Variants in SLC39A11 observed in about 807,000 individuals in gnomAD.
SLC39A11 encodes zinc transporter ZIP11.
A neutral mutation model predicts 36.1 loss-of-function variants in SLC39A11; 33 were observed. That is an observed-to-expected ratio of 0.91 (90% CI 0.69 to 1.22). The LOEUF (loss-of-function observed/expected upper bound fraction) is 1.22. Ranked by LOEUF, SLC39A11 falls within the 50% of genes most tolerant of loss-of-function variation. SLC39A11 has a pLI of 0.00. For synonymous variants in SLC39A11, 166 were observed against 170.3 expected (o/e 0.97, Z 0.20); for missense variants, 432 against 430.3 (o/e 1.00, Z -0.03).
Position 72,903,425 on chromosome 17 carries a change from C to T in SLC39A11, c.430+44327G>A, listed in dbSNP as rs986123750. On this transcript the variant is annotated intron_variant, in intron 5 of 9. Transcript: ENST00000255559. The stretch of plus-strand genomic sequence containing the variant: ...GAGGCACAACTCCATCTATAATACT[C>T]GCTAGTTCCTAAGACCCCGATTCAG... 2.6e-5 allele frequency among the ~76,000 whole-genome samples: 4 copies of T among 152,294 alleles called. No individual in the cohort carries two copies. The South Asian group carries it at 6.2e-4, about 24-fold the overall frequency.
chr17:73,063,899 G>A (rs969410239), intron 3 of SLC39A11, among the ~76,000 whole-genome samples: 1 of 152,144 alleles, frequency 6.6e-6, no homozygotes, highest in Non-Finnish European at 1.5e-5. Flanking sequence ...ATGACCGTGT[G>A]TCCCTTCCTC....
intron 3 of SLC39A11, among the ~76,000 whole-genome samples, chr17:73,035,951 G>A (rs2058899606): frequency 6.7e-6 from 1 of 150,340 alleles, no homozygotes; most frequent in Non-Finnish European, 1.5e-5. Flanking sequence ...GAAAGAGATT[G>A]AAAGATGCCA....
chr17:72,791,724 C>T (rs992878592), intron 6 of SLC39A11, among the ~76,000 whole-genome samples: 2 of 152,078 alleles, frequency 1.3e-5, no homozygotes, highest in Non-Finnish European at 2.9e-5. Context: ...GGAGACAGTC[C>T]CCCCATGCTG....
intron 6 of SLC39A11, among the ~76,000 whole-genome samples, chr17:72,741,009 G>A (rs2074671959): frequency 6.6e-6 from 1 of 151,914 alleles, no homozygotes; most frequent in Admixed American, 6.6e-5. Context: ...CCTGACCTCA[G>A]GTGATCTGTC....
intron 5 of SLC39A11, among the ~76,000 whole-genome samples, chr17:72,889,421 A>G (rs2146690927): frequency 6.6e-6 from 1 of 152,154 alleles, no homozygotes; most frequent in South Asian, 2.1e-4. Flanking sequence ...AAGCTGAGGT[A>G]GGAGAATTGC....
Position 72,728,444 on chromosome 17 carries a change from A to AGAAAGG in SLC39A11, c.671+8200_671+8205dup, listed in dbSNP as rs570694288. Among the ~76,000 whole-genome samples, 1,162 of 151,762 alleles carry AGAAAGG rather than the reference A, an allele frequency of 7.7e-3. 17 individuals carry two copies. Among genetic ancestry groups the AGAAAGG allele is most frequent in the African/African-American group, 0.026 (1,098 of 41,492 alleles). On this transcript the variant is annotated intron_variant, in intron 7 of 9. Coordinates refer to ENST00000255559, the MANE Select transcript of SLC39A11 (RefSeq NM_139177.4). ...GTGACAGAGTGAGACCCTGTCAAAA[A>AGAAAGG]GAAAGGGAAAGGGAAAGGAAAGGAA...
rs538682565 is a variant in SLC39A11, at chr17:72,884,729, T to C, written c.431-34925A>G. On this transcript the variant is annotated intron_variant, in intron 5 of 9. Transcript: ENST00000255559. Reference sequence around the variant, plus strand: ...AAACTGAAAAATATAAAATAGGAAATCGCTGCAGCAGCATTCTGCATTCTT... The same window carrying C: ...AAACTGAAAAATATAAAATAGGAAACCGCTGCAGCAGCATTCTGCATTCTT... 3.3e-4 allele frequency among the ~76,000 whole-genome samples: 51 copies of C among 152,256 alleles called. No homozygotes were observed. In the South Asian group the frequency reaches 9.8e-3, roughly 29 times the overall value.
chr17:72,904,241 G>C (rs1176609577), intron 5 of SLC39A11, among the ~76,000 whole-genome samples: 1 of 152,156 alleles, frequency 6.6e-6, no homozygotes, highest in Non-Finnish European at 1.5e-5. Context: ...AGGAGTTCGA[G>C]AGCAGCCTGG....
intron 3 of SLC39A11, among the ~76,000 whole-genome samples, chr17:73,074,873 T>C (rs965275376): frequency 6.6e-6 from 1 of 152,178 alleles, no homozygotes; most frequent in Non-Finnish European, 1.5e-5. Flanking sequence ...TAGAAGTAAG[T>C]TTCTTGATTG....
intron 7 of SLC39A11, among the ~76,000 whole-genome samples, chr17:72,708,066 C>T (rs1448992357): frequency 1.3e-5 from 2 of 152,208 alleles, no homozygotes; most frequent in African/African-American, 4.8e-5. Context: ...CCGAGGTTCT[C>T]CTGGACTCTG....
intron 3 of SLC39A11, among the ~76,000 whole-genome samples, chr17:73,080,146 C>T (rs149941225): frequency 1.3e-5 from 2 of 152,200 alleles, no homozygotes; most frequent in Non-Finnish European, 2.9e-5. Flanking sequence ...TCCTAAAATT[C>T]GTATGGAACC....
chr17:72,940,708 G>A (rs2085050893), intron 5 of SLC39A11, among the ~76,000 whole-genome samples: 1 of 152,210 alleles, frequency 6.6e-6, no homozygotes, highest in African/African-American at 2.4e-5. Context: ...TGCAGTGAGA[G>A]AATCTAGAAG....
intron 3 of SLC39A11, among the ~76,000 whole-genome samples, chr17:73,081,987 T>C (rs1420141590): frequency 1.3e-5 from 2 of 151,262 alleles, no homozygotes; most frequent in African/African-American, 2.4e-5. Flanking sequence ...GGGTGAGCGA[T>C]AAAAGACTAC....
intron 4 of SLC39A11, among the ~76,000 whole-genome samples, chr17:72,993,952 T>A (rs556877198): frequency 6.6e-6 from 1 of 152,188 alleles, no homozygotes; most frequent in African/African-American, 2.4e-5. Flanking sequence ...TGGGAGGTAA[T>A]TGAATCATGG....
chr17:72,795,775 C>A (rs192153600), intron 6 of SLC39A11, among the ~76,000 whole-genome samples: 29 of 152,210 alleles, frequency 1.9e-4, no homozygotes, highest in African/African-American at 5.3e-4. Context: ...AGGCAATTAA[C>A]CAATTATGTG....
At chr17:72,767,023 C>G (rs992194961) in intron 6 of SLC39A11, among the ~76,000 whole-genome samples, 1 of 152,164 alleles carries the variant, frequency 6.6e-6, no homozygotes, top group Non-Finnish European at 1.5e-5. Flanking sequence ...CTCCCCGACA[C>G]AGAAACATTC....
At chr17:72,822,408 T>G (rs943639163) in intron 6 of SLC39A11, among the ~76,000 whole-genome samples, 1 of 150,284 alleles carries the variant, frequency 6.7e-6, no homozygotes, top group Admixed American at 6.6e-5. Flanking sequence ...ATTTGACTCA[T>G]GACTTAAAAT....
At chr17:72,957,357 G>C (rs2086304163) in intron 4 of SLC39A11, among the ~76,000 whole-genome samples, 1 of 152,176 alleles carries the variant, frequency 6.6e-6, no homozygotes, top group African/African-American at 2.4e-5. Flanking sequence ...AAAATGTTGT[G>C]TGTAATATGA....
chr17:72,905,413 T>C (rs111326574), intron 5 of SLC39A11, among the ~76,000 whole-genome samples: 4,038 of 151,564 alleles, frequency 0.027, 147 homozygotes, highest in African/African-American at 0.083. Flanking sequence ...CTGGCCAACA[T>C]GGTAAAACCC....
Sources: allele counts gnomAD v4.1 joint callset (sites outside exome capture counted in the v4.1 genomes callset), GRCh38; gene constraint gnomAD v4.1.1; transcripts MANE v1.5; gene names NCBI Gene and HGNC (gene_info 2026-07-23, HGNC 2026-07-21).